EPS15: variants seen among roughly 807,000 people sequenced by gnomAD.
EPS15 encodes epidermal growth factor receptor pathway substrate 15.
Under a neutral mutation model 113.8 loss-of-function variants are expected in EPS15, and 72 were observed. The observed-to-expected ratio is 0.63, with a 90% CI of 0.52 to 0.77. The LOEUF (loss-of-function observed/expected upper bound fraction) is 0.77, where lower values mean the gene tolerates loss of function less well. EPS15 is among the 30% of genes least tolerant of loss of function. The probability of loss-of-function intolerance (pLI) is 0.00; values close to 1 mark genes in which losing one functional copy is unlikely to be tolerated. For missense variants in EPS15, 1,048 were observed against 1,045.8 expected (o/e 1.00, Z -0.03); for synonymous variants, 344 against 363.4 (o/e 0.95, Z 0.61).
chr1:51,468,715 A>C, intron 4 of EPS15, 147 bp from the exon 5 acceptor site: 1 of 612,446 alleles, frequency 1.6e-6, no homozygotes, highest in South Asian at 2.2e-5. Flanking sequence ...TGCTTCAAAA[A>C]TATCTTGCAG....
chr1:51,462,664 A>C (rs997187325), intron 7 of EPS15, among the ~76,000 whole-genome samples: 7 of 152,146 alleles, frequency 4.6e-5, no homozygotes, highest in African/African-American at 1.7e-4. Flanking sequence ...ATGAAGCTGT[A>C]GACCAAAAGA....
intron 14 of EPS15, 84 bp downstream of exon 14, chr1:51,409,451 C>T (rs191453309): frequency 7.5e-7 from 1 of 1,341,996 alleles, no homozygotes; most frequent in African/African-American, 1.5e-5. Flanking sequence ...CCATCAATAA[C>T]AAAAAGTAGA....
intron 21 of EPS15, among the ~76,000 whole-genome samples, chr1:51,385,611 A>G (rs1647046543): frequency 6.6e-6 from 1 of 152,256 alleles, no homozygotes; most frequent in Middle Eastern, 3.2e-3. Flanking sequence ...CCTCACATTC[A>G]CAGTAGCATT....
At chr1:51,422,641 A>T (rs1171663392) in intron 12 of EPS15, among the ~76,000 whole-genome samples, 1 of 152,278 alleles carries the variant, frequency 6.6e-6, no homozygotes, top group Non-Finnish European at 1.5e-5. Context: ...CCTTAGATTC[A>T]GAATTGCAAA....
chr1:51,519,221 G>A lies in EPS15; in HGVS notation c.11C>T (p.Ala4Val), dbSNP rs2148578453. ...TACCTGTGTCAGAGAGAGCTGGGCCGCCGCAGCCATGGTGTTTCCATCATG... is the reference window on the plus strand; with the variant it reads ...TACCTGTGTCAGAGAGAGCTGGGCCACCGCAGCCATGGTGTTTCCATCATG... MAA[A>V]AQLSLTQLSS... Residue 4 changes from alanine (A) to valine (V), a missense_variant, in exon 1 of 25, where the codon GCG becomes GTG. Coordinates refer to ENST00000371733, the MANE Select transcript of EPS15 (RefSeq NM_001981.3). 4 of 1,393,366 alleles carry A rather than the reference G, an allele frequency of 2.9e-6. No individual in the cohort carries two copies. Among genetic ancestry groups the A allele is most frequent in the Non-Finnish European group, 2.8e-6 (3 of 1,060,282 alleles). The allele number at this position is 1,393,366 out of a possible 1,614,324, so 86.3% of individuals were successfully genotyped here. A position where few individuals can be genotyped will look rare whatever the true frequency, so the allele number is the denominator to read the frequency against.
chr1:51,444,751 T>G, intron 11 of EPS15, 138 bp downstream of exon 11: 1 of 781,428 alleles, frequency 1.3e-6, no homozygotes, highest in South Asian at 2.4e-5. Flanking sequence ...AGGCACAAAC[T>G]AAACCACAAA....
chr1:51,488,768 A>T (rs1644174262), intron 1 of EPS15, among the ~76,000 whole-genome samples: 1 of 152,142 alleles, frequency 6.6e-6, no homozygotes, highest in African/African-American at 2.4e-5. Flanking sequence ...AGTACCCCTA[A>T]GCTTTACATA....
intron 1 of EPS15, among the ~76,000 whole-genome samples, chr1:51,509,169 A>G (rs1644575496): frequency 6.6e-6 from 1 of 152,180 alleles, no homozygotes; most frequent in Admixed American, 6.5e-5. Flanking sequence ...GTAGTGACAC[A>G]CAGGAGGCAT....
intron 1 of EPS15, among the ~76,000 whole-genome samples, chr1:51,514,428 G>A (rs1644678800): frequency 6.6e-6 from 1 of 151,912 alleles, no homozygotes; most frequent in Non-Finnish European, 1.5e-5. Context: ...TTACATCAGT[G>A]GACTTGTGTC....
At chr1:51,458,674 C>A (rs577958662) in intron 8 of EPS15, 6 of 370,586 alleles carry the variant, frequency 1.6e-5, no homozygotes, top group Non-Finnish European at 3.3e-5. Flanking sequence ...GAGGCCGAGG[C>A]TGCAGTGAGC....
At position 51,405,823 on chromosome 1, in the gene EPS15, A is replaced by G. The variant is rs938143080; in HGVS notation, c.1677+82T>C. The G allele has an allele frequency of 6.0e-6, 7 of 1,164,860 alleles. No homozygotes were observed. In the African/African-American group the frequency reaches 1.1e-4, roughly 18 times the overall value. 72.2% of individuals were successfully genotyped at this position (1,164,860 alleles called of 1,614,324 possible). Reference sequence around the variant, plus strand: ...GTCCTCAGATGAGGCAAGGCCATGTATTTATATTAGATATAATGTCAGTGA... The same window carrying G: ...GTCCTCAGATGAGGCAAGGCCATGTGTTTATATTAGATATAATGTCAGTGA... On this transcript the variant is annotated intron_variant, in intron 16 of 24. Transcript: ENST00000371733.
chr1:51,504,818 A>C (rs769285508), intron 1 of EPS15, among the ~76,000 whole-genome samples: 45 of 152,170 alleles, frequency 3.0e-4, no homozygotes, highest in Non-Finnish European at 4.9e-4. Flanking sequence ...TAAATGGTGC[A>C]GCTGCTCTAA....
At chr1:51,517,972 T>C (rs186217316) in intron 1 of EPS15, among the ~76,000 whole-genome samples, 1 of 152,202 alleles carries the variant, frequency 6.6e-6, no homozygotes, top group East Asian at 1.9e-4. Flanking sequence ...GTTTGCCCTA[T>C]CCCAGCGCTA....
rs772493039 is a variant in EPS15, at chr1:51,409,677, T to A, written c.1133A>T (p.Gln378Leu). 1.1e-5 allele frequency: 18 copies of A among 1,609,112 alleles called. No individual in the cohort carries two copies. Among genetic ancestry groups the A allele is most frequent in the Middle Eastern group, 1.7e-4 (1 of 6,054 alleles). Reference protein sequence around the residue: ...SEVQDLQDEVQRENTNLQKLQ... With the variant: ...SEVQDLQDEVLRENTNLQKLQ... ...TTTTTGCAGATTAGTATTCTCCCTT[T>A]GAACTTCATCTTGAAGATCCTAAAA... is the stretch of plus-strand genomic sequence containing the variant. The change falls in exon 14 of 25, where the codon CAA (glutamine) becomes CTA (leucine). Residue 378 changes from glutamine to leucine, a missense_variant. Transcript: ENST00000371733.
intron 13 of EPS15, among the ~76,000 whole-genome samples, chr1:51,414,493 T>C (rs1192789171): frequency 6.6e-6 from 1 of 152,164 alleles, no homozygotes. Context: ...TATAGGTTTA[T>C]ATAACAATAT....
rs1241174259 is a variant in EPS15, at chr1:51,403,418, C to T, written c.1791+1G>A. The T allele has an allele frequency of 2.0e-6, 3 of 1,532,942 alleles. No homozygotes were observed. The highest frequency in any genetic ancestry group is 2.3e-5 in the South Asian group (2 of 86,240). The allele number at this position is 1,532,942 out of a possible 1,614,324, so 95.0% of individuals were successfully genotyped here. ...AATGTAAATATAAAATCATTTTTTA[C>T]CTCTTTTGAATGTCTATTATTGTCG... On this transcript the variant is annotated splice_donor_variant, in intron 17 of 24. Coordinates refer to ENST00000371733, the MANE Select transcript of EPS15 (RefSeq NM_001981.3). LOFTEE classifies it high-confidence loss of function.
intron 2 of EPS15, among the ~76,000 whole-genome samples, chr1:51,475,498 T>C (rs1477024147): frequency 6.6e-6 from 1 of 152,232 alleles, no homozygotes; most frequent in East Asian, 1.9e-4. Flanking sequence ...TGTCTGTTCA[T>C]ATCCTTCGCC....
chr1:51,372,565 C>G, intron 21 of EPS15: 2 of 525,858 alleles, frequency 3.8e-6, no homozygotes, highest in Non-Finnish European at 7.7e-6. Flanking sequence ...CTAAACTACA[C>G]AAGAGTAACA....
chr1:51,467,490 AAAAC>A (rs1654927379), intron 5 of EPS15, among the ~76,000 whole-genome samples: 2 of 152,368 alleles, frequency 1.3e-5, no homozygotes, highest in Admixed American at 6.5e-5. Context: ...ACAGCTATAA[AAAAC>A]AAAGTGGAAG....
Sources: allele counts gnomAD v4.1 joint callset (sites outside exome capture counted in the v4.1 genomes callset), GRCh38; gene constraint gnomAD v4.1.1; transcripts MANE v1.5; gene names NCBI Gene and HGNC (gene_info 2026-07-23, HGNC 2026-07-21).